The following ACOT9 variants were observed in gnomAD, a reference collection of about 807,000 sequenced individuals.
ACOT9 encodes the protein acyl-coenzyme A thioesterase 9, mitochondrial.
ACOT9 carries 34 observed loss-of-function variants against 39.7 expected under a neutral mutation model. The ratio of observed to expected loss-of-function variants is 0.86; its 90% CI spans 0.65 to 1.14. ACOT9 has a LOEUF of 1.14. Among genes scored for constraint, ACOT9 ranks in the 50% most tolerant of loss-of-function variants. ACOT9 has a pLI of 0.00. For synonymous variants in ACOT9, 110 were observed against 120.5 expected, an observed-to-expected ratio of 0.91 and a Z score of 0.57; for missense variants, 313 against 344.1, an observed-to-expected ratio of 0.91 and a Z score of 0.71.
chrX:23,733,104 T>G, intron 4 of ACOT9, 68 bp downstream of exon 4: 9 of 1,024,522 alleles, frequency 8.8e-6, no homozygotes, highest in Non-Finnish European at 1.2e-5. Context: ...GACCATCAAC[T>G]GAGCCTAAAT....
At chrX:23,736,569 A>G (rs1381205012) in intron 1 of ACOT9, among the ~76,000 whole-genome samples, 2 of 112,414 alleles carry the variant, frequency 1.8e-5, no homozygotes, top group Non-Finnish European at 3.8e-5. Flanking sequence ...CTGTAATCCC[A>G]GCACTTTGGG....
At chrX:23,719,379 A>G (rs191644555) in intron 8 of ACOT9, among the ~76,000 whole-genome samples, 1 of 112,123 alleles carries the variant, frequency 8.9e-6, no homozygotes, top group South Asian at 3.7e-4. Flanking sequence ...TTGACAAATA[A>G]CTACTACAGA....
intron 14 of ACOT9, 26 bp downstream of exon 14, chrX:23,704,967 T>C (rs368051652): frequency 1.7e-6 from 2 of 1,191,590 alleles, no homozygotes; most frequent in African/African-American, 3.6e-5. Context: ...AAAAAAGTTG[T>C]ATGTCATCTC....
chrX:23,704,082 A>G (rs1928576624), intron 15 of ACOT9, 100 bp from the exon 16 acceptor site: 2 of 666,558 alleles, frequency 3.0e-6, no homozygotes, highest in Admixed American at 2.8e-5. Flanking sequence ...ACTGGGACAG[A>G]ACAAGATACA....
chrX:23,729,350 A>G (rs1354598017), intron 6 of ACOT9, among the ~76,000 whole-genome samples: 2 of 111,787 alleles, frequency 1.8e-5, no homozygotes, highest in African/African-American at 6.5e-5. Flanking sequence ...CAAAGTCACG[A>G]AAGTCAAAGA....
intron 1 of ACOT9, among the ~76,000 whole-genome samples, chrX:23,741,113 A>G (rs2146864493): frequency 9.1e-6 from 1 of 109,467 alleles, no homozygotes; most frequent in African/African-American, 3.3e-5. Flanking sequence ...CTAAACTTAA[A>G]GTATAATAAT....
rs779395208 is a variant in ACOT9 at position 23,701,470 on chromosome X, C to T, written c.*2424G>A. ...GACACTGTGATTTCAATAAACATTA[C>T]ATAAACTAATATAAAAAAATTGCTT... On this transcript the variant is annotated 3_prime_UTR_variant, in exon 16 of 16. Coordinates refer to ENST00000379303, the MANE Select transcript of ACOT9 (RefSeq NM_001037171.2). Among the ~76,000 whole-genome samples, 1 of 110,870 alleles carries T rather than the reference C, an allele frequency of 9.0e-6. No individual in the cohort carries two copies. The highest frequency in any genetic ancestry group is 3.3e-5 in the African/African-American group (1 of 30,478).
intron 5 of ACOT9, 74 bp downstream of exon 5, chrX:23,730,742 T>A: frequency 9.6e-7 from 1 of 1,043,537 alleles, no homozygotes; most frequent in South Asian, 2.2e-5. Context: ...AATTGTATGG[T>A]GTGTGAATTA....
Position 23,702,072 on chromosome X carries a change from C to T in ACOT9, c.*1822G>A, listed in dbSNP as rs1437836629. On this transcript the variant is annotated 3_prime_UTR_variant, in exon 16 of 16. Transcript: ENST00000379303. ...GGAGCGACAGAGTGAAACTCTGTCT[C>T]ACACACACACACACACACAAAAATA... Among the ~76,000 whole-genome samples the T allele has an allele frequency of 4.1e-5, 4 of 98,227 alleles. No homozygotes were observed. Among genetic ancestry groups the T allele is most frequent in the African/African-American group, 1.7e-4 (4 of 23,010 alleles). 85.3% of individuals were successfully genotyped at this position (98,227 alleles called of 115,157 possible).
At chrX:23,741,411 C>CA in intron 1 of ACOT9, among the ~76,000 whole-genome samples, 1 of 109,390 alleles carries the variant, frequency 9.1e-6, no homozygotes, top group East Asian at 2.9e-4. Flanking sequence ...TCACATAACT[C>CA]ACCCTGGCTC....
intron 2 of ACOT9, 105 bp from the exon 3 acceptor site, chrX:23,734,472 T>G: frequency 1.5e-6 from 1 of 662,058 alleles, no homozygotes. Flanking sequence ...GTGTTTTTCC[T>G]AGCACTTCAA....
At position 23,722,888 on chromosome X, in the gene ACOT9, T is replaced by C. The variant is rs1355001441; in HGVS notation, c.401-135A>G. ...AGCCCCTAATATTCCATTGATCATC[T>C]TATCCTAGGATCAAACACTTTTATA... On this transcript the variant is annotated intron_variant, in intron 6 of 15. Transcript: ENST00000379303. 9 of 405,062 alleles carry C rather than the reference T, an allele frequency of 2.2e-5. No individual in the cohort carries two copies. The East Asian group carries it at 3.7e-4, about 17-fold the overall frequency. The allele number at this position is 405,062 out of a possible 1,213,427, so 33.4% of individuals were successfully genotyped here.
chrX:23,709,359 C>T (rs746004757), intron 9 of ACOT9, among the ~76,000 whole-genome samples: 2 of 112,156 alleles, frequency 1.8e-5, no homozygotes, highest in South Asian at 7.4e-4. Flanking sequence ...CACCACTGCA[C>T]TCCAGCCTGG....
rs956259121 is a variant in ACOT9 at position 23,703,355 on chromosome X, C to G, written c.*539G>C. 5 of 112,108 alleles carry G rather than the reference C, an allele frequency of 4.5e-5. No individual in the cohort carries two copies. Among genetic ancestry groups the G allele is most frequent in the African/African-American group, 1.6e-4 (5 of 30,761 alleles). 9.2% of individuals were successfully genotyped at this position (112,108 alleles called of 1,213,427 possible). A position where few individuals can be genotyped will look rare whatever the true frequency, so the allele number is the denominator to read the frequency against. ...TTAATTAATTTTTGAGACAGTCTCTCTCTGTCGCCCAGGCTGGAGTGCAAT... is the reference window on the plus strand; with the variant it reads ...TTAATTAATTTTTGAGACAGTCTCTGTCTGTCGCCCAGGCTGGAGTGCAAT... On this transcript the variant is annotated 3_prime_UTR_variant, in exon 16 of 16. Coordinates refer to ENST00000379303, the MANE Select transcript of ACOT9 (RefSeq NM_001037171.2).
At chrX:23,738,096 T>G (rs1238184338) in intron 1 of ACOT9, among the ~76,000 whole-genome samples, 1 of 107,507 alleles carries the variant, frequency 9.3e-6, no homozygotes, top group Non-Finnish European at 1.9e-5. Flanking sequence ...CTCAAACTCC[T>G]GACCCTGTGA....
chrX:23,718,044 T>C (rs1182129168), intron 8 of ACOT9, among the ~76,000 whole-genome samples: 3 of 106,843 alleles, frequency 2.8e-5, no homozygotes, highest in Non-Finnish European at 5.8e-5. Flanking sequence ...GCCGAGATCA[T>C]GCCACTGCAC....
chrX:23,707,490 G>A (rs1255904698), intron 10 of ACOT9, among the ~76,000 whole-genome samples: 1 of 111,642 alleles, frequency 9.0e-6, no homozygotes, highest in African/African-American at 3.3e-5. Context: ...TGTAATCCCA[G>A]CACTTTGGGA....
At position 23,705,070 on chromosome X, in the gene ACOT9, G is replaced by A. The variant is rs770815402; in HGVS notation, c.1030C>T (p.Pro344Ser). Residue 344 changes from proline (P) to serine (S), a missense_variant, in exon 14 of 16, where the codon CCG (proline) becomes TCG (serine). Pro to Ser is a moderately conservative substitution (Grantham distance 74, BLOSUM62 -1). Coordinates refer to ENST00000379303, the MANE Select transcript of ACOT9 (RefSeq NM_001037171.2). Reference sequence around the variant, plus strand: ...ATGTCATCTACTGCTACCACAAACGGTCGAGAACCACTGTTGGGGGAAAGG... The same window carrying A: ...ATGTCATCTACTGCTACCACAAACGATCGAGAACCACTGTTGGGGGAAAGG... The part of the protein sequence containing the change: ...ATACSFGGSR[P>S]FVVAVDDIMF... 2 of 1,209,981 alleles carry A rather than the reference G, an allele frequency of 1.7e-6. No individual in the cohort carries two copies. The highest frequency in any genetic ancestry group is 2.2e-6 in the Non-Finnish European group (2 of 894,642).
intron 4 of ACOT9, 82 bp downstream of exon 4, chrX:23,733,090 G>GT: frequency 2.1e-6 from 2 of 955,729 alleles, no homozygotes; most frequent in Non-Finnish European, 2.9e-6. Context: ...CATCCCCACT[G>GT]TGAGACCATC....
Sources: gnomAD v4.1 joint callset for allele counts (sites outside exome capture counted in the v4.1 genomes callset) on GRCh38, gnomAD v4.1.1 for gene constraint, MANE v1.5 for transcripts, NCBI Gene and HGNC (gene_info 2026-07-23, HGNC 2026-07-21) for gene names.